Variants in CNTNAP2 observed in about 807,000 individuals in gnomAD.
The protein encoded by CNTNAP2 is contactin associated protein 2.
CNTNAP2 carries 98 observed loss-of-function variants against 155.2 expected under a neutral mutation model. The observed-to-expected ratio is 0.63, with a 90% confidence interval of 0.54 to 0.75. The LOEUF (loss-of-function observed/expected upper bound fraction) is 0.75. Among genes scored for constraint, CNTNAP2 ranks in the 30% least tolerant of loss-of-function variants. CNTNAP2 has a pLI of 0.00. For missense variants in CNTNAP2, 1,727 were observed against 1,688.1 expected, an observed-to-expected ratio of 1.02 and a Z score of -0.40; for synonymous variants, 651 against 631.2, an observed-to-expected ratio of 1.03 and a Z score of -0.47.
chr7:147,286,128 AAGTC>A (rs1356685184), intron 8 of CNTNAP2, among the ~76,000 whole-genome samples: 1 of 152,032 alleles, frequency 6.6e-6, no homozygotes, highest in African/African-American at 2.4e-5. Flanking sequence ...TCCTCAGAAA[AAGTC>A]AGAGGAATTG....
At chr7:147,702,192 G>C (rs561173471) in intron 13 of CNTNAP2, among the ~76,000 whole-genome samples, 1 of 151,444 alleles carries the variant, frequency 6.6e-6, no homozygotes, top group African/African-American at 2.4e-5. Context: ...ATCTCTCGTC[G>C]GATCCACCTC....
chr7:146,638,168 A>G (rs1027001902), intron 1 of CNTNAP2, among the ~76,000 whole-genome samples: 1 of 152,176 alleles, frequency 6.6e-6, no homozygotes, highest in Non-Finnish European at 1.5e-5. Context: ...AACTGACTGA[A>G]CTAAAGGGGC....
At chr7:147,694,057 A>G (rs1377980887) in intron 13 of CNTNAP2, among the ~76,000 whole-genome samples, 1 of 151,954 alleles carries the variant, frequency 6.6e-6, no homozygotes, top group Admixed American at 6.6e-5. Context: ...TTGTTTTTTA[A>G]TCATGAGTGG....
chr7:146,389,852 C>G (rs1052215067), intron 1 of CNTNAP2, among the ~76,000 whole-genome samples: 3 of 151,874 alleles, frequency 2.0e-5, no homozygotes, highest in Non-Finnish European at 2.9e-5. Flanking sequence ...CAGGTCCCCA[C>G]TACCACGCCC....
chr7:147,030,119 ATATC>A (rs1261053754), intron 3 of CNTNAP2, among the ~76,000 whole-genome samples: 1 of 152,234 alleles, frequency 6.6e-6, no homozygotes, highest in Non-Finnish European at 1.5e-5. Flanking sequence ...AGGGAGCTGA[ATATC>A]TATCTGCATC....
intron 8 of CNTNAP2, among the ~76,000 whole-genome samples, chr7:147,269,117 G>A (rs928547520): frequency 3.3e-5 from 5 of 152,096 alleles, no homozygotes; most frequent in African/African-American, 4.8e-5. Context: ...TAGAACTCAC[G>A]GGTCCTGAAT....
intron 8 of CNTNAP2, among the ~76,000 whole-genome samples, chr7:147,221,483 A>G (rs1341295988): frequency 6.6e-6 from 1 of 152,116 alleles, no homozygotes; most frequent in African/African-American, 2.4e-5. Flanking sequence ...AAGGAATATC[A>G]GGTCCATGCT....
intron 3 of CNTNAP2, among the ~76,000 whole-genome samples, chr7:146,921,883 A>T (rs10262707): frequency 0.012 from 1,832 of 152,256 alleles, 36 homozygotes; most frequent in African/African-American, 0.042. Flanking sequence ...TTTTCTGCTA[A>T]TGTAGAAGGT....
chr7:147,856,113 G>T (rs900510155), intron 13 of CNTNAP2, among the ~76,000 whole-genome samples: 1 of 152,058 alleles, frequency 6.6e-6, no homozygotes, highest in Admixed American at 6.6e-5. Context: ...CTAACCCAAC[G>T]CAGAAACAGG....
intron 16 of CNTNAP2, among the ~76,000 whole-genome samples, chr7:148,130,778 C>A (rs1387331016): frequency 6.6e-6 from 1 of 152,202 alleles, no homozygotes; most frequent in Non-Finnish European, 1.5e-5. Context: ...ATTGCTTCCC[C>A]TTCATTGAAA....
intron 13 of CNTNAP2, among the ~76,000 whole-genome samples, chr7:147,792,334 A>G (rs1019012476): frequency 2.0e-5 from 3 of 151,188 alleles, no homozygotes; most frequent in African/African-American, 7.4e-5. Context: ...ATGAATAACC[A>G]TTTTCTATCT....
chr7:148,120,494 T>G (rs1804575038), intron 16 of CNTNAP2, among the ~76,000 whole-genome samples: 1 of 152,060 alleles, frequency 6.6e-6, no homozygotes, highest in African/African-American at 2.4e-5. Context: ...CTCAAACCCC[T>G]GGGCTCAGGC....
intron 1 of CNTNAP2, among the ~76,000 whole-genome samples, chr7:146,241,029 C>T (rs1799551809): frequency 6.6e-6 from 1 of 151,996 alleles, no homozygotes. Context: ...GGGGGAGTGC[C>T]ACACTTTTAA....
chr7:146,369,282 A>G (rs918988664), intron 1 of CNTNAP2, among the ~76,000 whole-genome samples: 3 of 152,006 alleles, frequency 2.0e-5, no homozygotes, highest in African/African-American at 7.2e-5. Flanking sequence ...ACAGGAAGTC[A>G]TCTTGTGGAT....
chr7:147,608,420 G>A (rs968447786), intron 12 of CNTNAP2, among the ~76,000 whole-genome samples: 2 of 149,026 alleles, frequency 1.3e-5, no homozygotes, highest in African/African-American at 5.2e-5. Context: ...CTGTTACAGA[G>A]CTATCTGGTA....
intron 1 of CNTNAP2, among the ~76,000 whole-genome samples, chr7:146,302,734 A>G (rs945186272): frequency 3.9e-5 from 6 of 152,128 alleles, no homozygotes; most frequent in African/African-American, 1.2e-4. Context: ...TCCAGCCATA[A>G]AAGTGATGAA....
intron 11 of CNTNAP2, among the ~76,000 whole-genome samples, chr7:147,541,987 T>C (rs1033454193): frequency 2.6e-5 from 4 of 152,186 alleles, no homozygotes; most frequent in Admixed American, 1.3e-4. Context: ...CTTATGAAGC[T>C]TTTTCAGAAT....
At position 146,642,967 on chromosome 7, in the gene CNTNAP2, G is replaced by A. The variant is rs1287412906; in HGVS notation, c.98-131304G>A. Among the ~76,000 whole-genome samples, 3 of 149,010 alleles carry A rather than the reference G, an allele frequency of 2.0e-5. No individual in the cohort carries two copies. The East Asian group carries it at 6.1e-4, about 30-fold the overall frequency. On this transcript the variant is annotated intron_variant, in intron 1 of 23. Transcript: ENST00000361727. ...CTGCATAAATGTCTTCTTTTGAGAAGTGTCTGTTCATGTCCTTTGCCCACT... is the reference window on the plus strand; with the variant it reads ...CTGCATAAATGTCTTCTTTTGAGAAATGTCTGTTCATGTCCTTTGCCCACT...
At chr7:147,625,608 T>C (rs1794956109) in intron 12 of CNTNAP2, among the ~76,000 whole-genome samples, 1 of 152,192 alleles carries the variant, frequency 6.6e-6, no homozygotes, top group Non-Finnish European at 1.5e-5. Context: ...TAAAATGTCA[T>C]GGCACTGGAC....
Sources: gnomAD v4.1 joint callset for allele counts (sites outside exome capture counted in the v4.1 genomes callset) on GRCh38, gnomAD v4.1.1 for gene constraint, MANE v1.5 for transcripts, NCBI Gene and HGNC (gene_info 2026-07-23, HGNC 2026-07-21) for gene names.